Variants in VCAN observed in about 807,000 individuals in gnomAD.
The protein encoded by VCAN is versican.
Under a neutral mutation model 245.5 loss-of-function variants are expected in VCAN, and 44 were observed. That is an observed-to-expected ratio of 0.18 (90% CI 0.14 to 0.23). The LOEUF (loss-of-function observed/expected upper bound fraction) is 0.23, where lower values mean the gene tolerates loss of function less well. Among genes scored for constraint, VCAN ranks in the 10% least tolerant of loss-of-function variants. The probability of loss-of-function intolerance (pLI) is 1.00; values close to 1 mark genes in which losing one functional copy is unlikely to be tolerated. For synonymous variants in VCAN, 1,413 were observed against 1,437.0 expected (o/e 0.98, Z 0.38); for missense variants, 3,793 against 4,057.9 (o/e 0.93, Z 1.77).
Position 83,572,548 on chromosome 5 carries a change from A to G in VCAN, c.9868A>G (p.Lys3290Glu), listed in dbSNP as rs1412023127. Residue 3290 changes from lysine to glutamate, a missense_variant, in exon 13 of 15, where the codon AAG (lysine) becomes GAG (glutamate). Around this residue, in one of 5 missense-constraint regions of VCAN, gnomAD observed 205 missense variants for 321.1 expected, o/e 0.64. Coordinates refer to ENST00000265077, the MANE Select transcript of VCAN (RefSeq NM_004385.5). ...CAATTACCATCTCACCTATACGTGC[A>G]AGAAAGGAACAGGTAATGATCACCC... Reference protein sequence around the residue: ...PCNYHLTYTCKKGTVACGQPP... With the variant: ...PCNYHLTYTCEKGTVACGQPP... The G allele has an allele frequency of 1.5e-5, 24 of 1,613,854 alleles. No homozygotes were observed. The highest frequency in any genetic ancestry group is 2.0e-5 in the Non-Finnish European group (24 of 1,179,834).
rs1290468994 is a variant in VCAN at position 83,541,332 on chromosome 5, A to T, written c.8329A>T (p.Thr2777Ser). 1.2e-6 allele frequency: 2 copies of T among 1,613,920 alleles called. No individual in the cohort carries two copies. The highest frequency in any genetic ancestry group is 3.3e-5 in the Admixed American group (2 of 59,980). ...AGCTGAGGAGGCATTAGTAGACCAT[A>T]CTCCCTATCTAAGTATTGCTACTAC... ...SGAEEALVDH[T>S]PYLSIATTHL... The change falls in exon 8 of 15, where the codon ACT becomes TCT. Residue 2777 changes from threonine to serine, a missense_variant. Transcript: ENST00000265077.
chr5:83,512,203 C>A lies in VCAN; in HGVS notation c.849C>A (p.Leu283=). Residue 283 remains leucine (L), a synonymous_variant, in exon 6 of 15, where the codon CTC becomes CTA. Transcript: ENST00000265077. ...QDARLATVGE[L]QAAWRNGFDQ... The stretch of plus-strand genomic sequence containing the variant: ...CCAGGCTGGCAACAGTGGGGGAACT[C>A]CAGGCGGCATGGAGGAACGGCTTTG... The A allele has an allele frequency of 6.2e-7, 1 of 1,614,118 alleles. No homozygotes were observed. The highest frequency in any genetic ancestry group is 8.5e-7 in the Non-Finnish European group (1 of 1,180,026).
At position 83,541,609 on chromosome 5, in the gene VCAN, A is replaced by G; in HGVS notation, c.8606A>G (p.His2869Arg). The G allele has an allele frequency of 1.9e-6, 3 of 1,613,924 alleles. No homozygotes were observed. The highest frequency in any genetic ancestry group is 2.5e-6 in the Non-Finnish European group (3 of 1,180,006). The change falls in exon 8 of 15, where the codon CAT becomes CGT. Residue 2869 changes from histidine to arginine, a missense_variant. Coordinates refer to ENST00000265077, the MANE Select transcript of VCAN (RefSeq NM_004385.5). The part of the protein sequence containing the change: ...MSPQDSFKEI[H>R]VNIEATFKPS... ...CCACAGGATTCTTTTAAGGAAATTC[A>G]TGTAAATATTGAAGCGACTTTCAAA...
intron 3 of VCAN, among the ~76,000 whole-genome samples, chr5:83,492,994 C>G (rs916429676): frequency 2.5e-4 from 38 of 152,236 alleles, no homozygotes; most frequent in African/African-American, 9.2e-4. Flanking sequence ...CAAGTCTTCT[C>G]ACTCATAAAT....
In VCAN at chr5:83,539,415, A is replaced by G. The variant is rs1326175000; in HGVS notation, c.6412A>G (p.Thr2138Ala). Residue 2138 changes from threonine to alanine, a missense_variant, in exon 8 of 15, where the codon ACA becomes GCA. Coordinates refer to ENST00000265077, the MANE Select transcript of VCAN (RefSeq NM_004385.5). The stretch of plus-strand genomic sequence containing the variant: ...TCAAAACTCTCCTGCAACAGAACAA[A>G]CAATCTTTGATTCACAGACATTTAC... ...SPQNSPATEQ[T>A]IFDSQTFTET... 1.2e-6 allele frequency: 2 copies of G among 1,613,890 alleles called. No individual in the cohort carries two copies.
chr5:83,520,564 T>C lies in VCAN; in HGVS notation c.2258T>C (p.Ile753Thr), dbSNP rs755044634. The change falls in exon 7 of 15, where the codon ATA becomes ACA. Residue 753 changes from isoleucine to threonine, a missense_variant. Transcript: ENST00000265077. ...AAGTCTTTTGATTTCCCAACATTGA[T>C]AACAAAGTTAAGTGCAGAGCCAACA... ...MTKSFDFPTLITKLSAEPTEV... is the reference protein window; with the variant it reads ...MTKSFDFPTLTTKLSAEPTEV... 14 of 1,613,924 alleles carry C rather than the reference T, an allele frequency of 8.7e-6. No homozygotes were observed. The Admixed American group carries it at 2.3e-4, about 27-fold the overall frequency.
chr5:83,527,990 C>A (rs1173318843), intron 7 of VCAN, among the ~76,000 whole-genome samples: 2 of 152,210 alleles, frequency 1.3e-5, no homozygotes, highest in East Asian at 3.8e-4. Context: ...ACACCATCTT[C>A]TAGCAGAGCA....
chr5:83,538,478 A>G lies in VCAN; in HGVS notation c.5475A>G (p.Pro1825=), dbSNP rs1746820173. Residue 1825 remains proline (P), a synonymous_variant, in exon 8 of 15, where the codon CCA becomes CCG. Transcript: ENST00000265077. Reference sequence around the variant, plus strand: ...TTCAGGAAGGGCTGACCACTCTCCCACGTAGTCCTGCCTCTGTCTTTATGG... The same window carrying G: ...TTCAGGAAGGGCTGACCACTCTCCCGCGTAGTCCTGCCTCTGTCTTTATGG... ...PGVQEGLTTL[P]RSPASVFMEQ... 1.2e-6 allele frequency: 2 copies of G among 1,613,976 alleles called. No homozygotes were observed. Among genetic ancestry groups the G allele is most frequent in the African/African-American group, 1.3e-5 (1 of 75,014 alleles).
intron 8 of VCAN, among the ~76,000 whole-genome samples, chr5:83,544,579 C>A (rs886150343): frequency 6.6e-6 from 1 of 152,102 alleles, no homozygotes; most frequent in South Asian, 2.1e-4. Context: ...CATAGATAAT[C>A]TATTTTATTT....
At position 83,538,157 on chromosome 5, in the gene VCAN, C is replaced by G; in HGVS notation, c.5154C>G (p.Thr1718=). 1 of 1,613,912 alleles carries G rather than the reference C, an allele frequency of 6.2e-7. No homozygotes were observed. Among genetic ancestry groups the G allele is most frequent in the Non-Finnish European group, 8.5e-7 (1 of 1,179,972 alleles). The change falls in exon 8 of 15, where the codon ACC becomes ACG. Residue 1718 remains threonine (T), a synonymous_variant. Coordinates refer to ENST00000265077, the MANE Select transcript of VCAN (RefSeq NM_004385.5). ...ACACTTCTGAGTGGATTTCCAGTAC[C>G]ACTGTTGAGGAAAAGAAAAGGAAGG... ...ETDTSEWISS[T]TVEEKKRKEE...
intron 8 of VCAN, among the ~76,000 whole-genome samples, chr5:83,543,575 G>T (rs1030158560): frequency 1.3e-5 from 2 of 152,072 alleles, no homozygotes; most frequent in African/African-American, 2.4e-5. Flanking sequence ...TTGACATTGG[G>T]TTTTTTGTTA....
In VCAN at chr5:83,490,227, C is replaced by G. The variant is rs1224614164; in HGVS notation, c.200C>G (p.Ser67Cys). The change falls in exon 3 of 15, where the codon TCT (serine) becomes TGT (cysteine). Residue 67 changes from serine (S) to cysteine (C), a missense_variant. Ser to Cys is a moderately radical substitution (Grantham distance 112). Transcript: ENST00000265077. ...AGTGAATTTCTCCGCATCAAATGGT[C>G]TAAGATTGAAGTGGACAAAAATGGA... ...NTSEFLRIKW[S>C]KIEVDKNGKD... The G allele has an allele frequency of 1.1e-5, 18 of 1,614,104 alleles. No individual in the cohort carries two copies. Among genetic ancestry groups the G allele is most frequent in the Non-Finnish European group, 1.5e-5 (18 of 1,180,020 alleles).
chr5:83,513,215 A>G (rs552628973), intron 6 of VCAN, among the ~76,000 whole-genome samples: 1 of 152,352 alleles, frequency 6.6e-6, no homozygotes, highest in South Asian at 2.1e-4. Context: ...TGAACCATCT[A>G]TACTATGCTA....
chr5:83,564,195 T>A (rs1747989520), intron 12 of VCAN, among the ~76,000 whole-genome samples: 1 of 152,128 alleles, frequency 6.6e-6, no homozygotes, highest in African/African-American at 2.4e-5. Context: ...TTTATTTTTA[T>A]TTTTTTATTT....
Position 83,541,851 on chromosome 5 carries a change from A to T in VCAN, c.8848A>T (p.Thr2950Ser). 6.2e-6 allele frequency: 10 copies of T among 1,614,108 alleles called. No individual in the cohort carries two copies. The highest frequency in any genetic ancestry group is 8.5e-6 in the Non-Finnish European group (10 of 1,180,002). The stretch of plus-strand genomic sequence containing the variant: ...TGGAGAAGCAATCAAGATGTTTCCC[A>T]CCATTAAAACACCTGAGGCTGGAAC... ...VSGEAIKMFP[T>S]IKTPEAGTVI... Residue 2950 changes from threonine to serine, a missense_variant, in exon 8 of 15, where the codon ACC becomes TCC. This residue lies in a region of VCAN where 3,182 missense variants were observed against 3,250.3 expected (regional missense o/e 0.98). Transcript: ENST00000265077.
In VCAN at chr5:83,558,312, AG is replaced by A. The variant is rs1399020682; in HGVS notation, c.9735+3279del. Among the ~76,000 whole-genome samples, 8 of 152,240 alleles carry A rather than the reference AG, an allele frequency of 5.3e-5. No individual in the cohort carries two copies. The East Asian group carries it at 1.4e-3, about 26-fold the overall frequency. ...TATCCCTAACAGTAAAGTCTTGGTC[AG>A]GGGGATCAGTATCTGCTTATACTTG... On this transcript the variant is annotated intron_variant, in intron 12 of 14. Coordinates refer to ENST00000265077, the MANE Select transcript of VCAN (RefSeq NM_004385.5).
In VCAN at chr5:83,540,771, A is replaced by G. The variant is rs1561258115; in HGVS notation, c.7768A>G (p.Ile2590Val). 2 of 1,614,054 alleles carry G rather than the reference A, an allele frequency of 1.2e-6. No individual in the cohort carries two copies. Among genetic ancestry groups the G allele is most frequent in the East Asian group, 2.2e-5 (1 of 44,836 alleles). Residue 2590 changes from isoleucine to valine, a missense_variant, in exon 8 of 15, where the codon ATT (isoleucine) becomes GTT (valine). Transcript: ENST00000265077. ...IDHTKPVYED[I>V]LGMQTDIDTE... ...TCATACTAAACCTGTGTATGAAGACATTCTTGGAATGCAAACAGATATAGA... is the reference window on the plus strand; with the variant it reads ...TCATACTAAACCTGTGTATGAAGACGTTCTTGGAATGCAAACAGATATAGA...
intron 7 of VCAN, among the ~76,000 whole-genome samples, chr5:83,529,957 A>T (rs1312211631): frequency 6.6e-6 from 1 of 152,138 alleles, no homozygotes; most frequent in Non-Finnish European, 1.5e-5. Context: ...ATGATCTTAA[A>T]ATTCAAGATC....
chr5:83,544,165 T>C (rs16900541), intron 8 of VCAN, among the ~76,000 whole-genome samples: 6,080 of 152,342 alleles, frequency 0.04, 420 homozygotes, highest in African/African-American at 0.14. Context: ...AGCCTTGTCA[T>C]CCTGGCAGCG....
Sources: gnomAD v4.1 joint callset for allele counts (sites outside exome capture counted in the v4.1 genomes callset) on GRCh38, gnomAD v4.1.1 for gene constraint, gnomAD v4.1.1 regional missense constraint, MANE v1.5 for transcripts, NCBI Gene and HGNC (gene_info 2026-07-23, HGNC 2026-07-21) for gene names.